Variants in SPAG9 observed in about 807,000 individuals in gnomAD.
SPAG9 encodes sperm associated antigen 9.
SPAG9 carries 35 observed loss-of-function variants against 166.5 expected under a neutral mutation model. The observed-to-expected ratio is 0.21, with a 90% CI of 0.16 to 0.28. The LOEUF (loss-of-function observed/expected upper bound fraction) is 0.28. Ranked by LOEUF, SPAG9 falls within the 10% of genes least tolerant of loss-of-function variation. SPAG9 has a pLI of 1.00. For missense variants in SPAG9, 1,235 were observed against 1,603.3 expected (o/e 0.77, Z 3.92); for synonymous variants, 534 against 565.5 (o/e 0.94, Z 0.79).
intron 29 of SPAG9, among the ~76,000 whole-genome samples, chr17:50,969,497 TC>T (rs1403854835): frequency 6.6e-6 from 1 of 152,120 alleles, no homozygotes; most frequent in East Asian, 1.9e-4. Context: ...GAACCTCCAG[TC>T]CATCCTTCAC....
At chr17:50,999,357 A>G (rs887578847) in intron 14 of SPAG9, 22 of 788,628 alleles carry the variant, frequency 2.8e-5, no homozygotes, top group Non-Finnish European at 4.2e-5. Context: ...GATCCAGGTC[A>G]TTTTCAAGTC....
At chr17:51,029,120 T>C (rs989711444) in intron 6 of SPAG9, among the ~76,000 whole-genome samples, 6 of 152,132 alleles carry the variant, frequency 3.9e-5, no homozygotes, top group Non-Finnish European at 7.4e-5. Context: ...AAAAAGCTAG[T>C]ACAAGATTTG....
intron 21 of SPAG9, among the ~76,000 whole-genome samples, chr17:50,988,212 T>C (rs1975228120): frequency 6.7e-6 from 1 of 149,942 alleles, no homozygotes; most frequent in East Asian, 2.0e-4. Flanking sequence ...TGAGATTCCA[T>C]CTCCAAAAAA....
intron 26 of SPAG9, among the ~76,000 whole-genome samples, chr17:50,979,380 GAAAAAAA>G (rs76167072): frequency 1.3e-5 from 1 of 76,084 alleles, no homozygotes; most frequent in Non-Finnish European, 2.7e-5. Context: ...TTGAAAAAAA[GAAAAAAA>G]AAAAAAAAAA....
intron 3 of SPAG9, among the ~76,000 whole-genome samples, chr17:51,048,375 A>G (rs927575061): frequency 6.6e-6 from 1 of 152,090 alleles, no homozygotes; most frequent in Non-Finnish European, 1.5e-5. Context: ...ATAGTGTGTT[A>G]GTATTTAAAG....
intron 2 of SPAG9, among the ~76,000 whole-genome samples, chr17:51,076,108 A>C (rs1200043868): frequency 6.6e-6 from 1 of 151,904 alleles, no homozygotes; most frequent in Non-Finnish European, 1.5e-5. Flanking sequence ...AAAAAGGAAA[A>C]GAAAAAAGAA....
intron 24 of SPAG9, among the ~76,000 whole-genome samples, chr17:50,983,071 T>C (rs1204267955): frequency 2.0e-5 from 3 of 152,218 alleles, no homozygotes; most frequent in Non-Finnish European, 4.4e-5. Flanking sequence ...TGAGGGCAAC[T>C]CATTGCTAAC....
Position 50,977,091 on chromosome 17 carries a change from T to C in SPAG9, c.3523+17A>G. 4.2e-6 allele frequency: 6 copies of C among 1,437,872 alleles called. No homozygotes were observed. Among genetic ancestry groups the C allele is most frequent in the East Asian group, 2.3e-5 (1 of 43,994 alleles). 89.1% of individuals were successfully genotyped at this position (1,437,872 alleles called of 1,614,324 possible). ...TCTCCTATTTGTTCCATGGCAGTTA[T>C]CTAAAAATATACTTACTTTCTGTCA... is the stretch of plus-strand genomic sequence containing the variant. On this transcript the variant is annotated intron_variant, in intron 27 of 29. Coordinates refer to ENST00000262013, the MANE Select transcript of SPAG9 (RefSeq NM_001130528.3).
chr17:50,999,342 A>T, intron 14 of SPAG9: 2 of 689,324 alleles, frequency 2.9e-6, no homozygotes. Context: ...AACTTATTTA[A>T]TGGGGATCCA....
intron 1 of SPAG9, among the ~76,000 whole-genome samples, chr17:51,089,620 T>TTTTATATA (rs1555658028): frequency 2.5e-5 from 1 of 40,478 alleles, no homozygotes; most frequent in Non-Finnish European, 4.4e-5. Flanking sequence ...ACACTTTATT[T>TTTTATATA]TATATATATA....
intron 2 of SPAG9, among the ~76,000 whole-genome samples, chr17:51,060,538 G>A (rs1319505178): frequency 6.7e-6 from 1 of 148,726 alleles, no homozygotes; most frequent in Non-Finnish European, 1.5e-5. Flanking sequence ...GGCAGAAGAA[G>A]GTAGGTAATT....
chr17:50,977,243 C>T (rs149561840), intron 26 of SPAG9, 22 bp from the exon 27 acceptor site: 42 of 1,432,416 alleles, frequency 2.9e-5, no homozygotes, highest in Middle Eastern at 1.8e-4. Flanking sequence ...GGAGGGAACA[C>T]GTTATTGAGA....
Position 51,007,308 on chromosome 17 carries a change from T to C in SPAG9, c.1232A>G (p.Glu411Gly), listed in dbSNP as rs1007331175. The C allele has an allele frequency of 6.3e-7, 1 of 1,583,464 alleles. No individual in the cohort carries two copies. Among genetic ancestry groups the C allele is most frequent in the Non-Finnish European group, 8.6e-7 (1 of 1,161,192 alleles). The change falls in exon 10 of 30, where the codon GAG becomes GGG. Residue 411 changes from glutamate (E) to glycine (G), a missense_variant. Glu to Gly is a moderately conservative substitution (Grantham distance 98). Transcript: ENST00000262013. ...ADLLGMGREV[E>G]NLILENTQLL... is the part of the protein sequence containing the mutation. ...TTGTGTATTTTCTAATATAAGATTC[T>C]CAACTTCCCGACCCATTCCTATCAA...
At chr17:50,993,230 C>A (rs887901693) in intron 19 of SPAG9, among the ~76,000 whole-genome samples, 2 of 149,004 alleles carry the variant, frequency 1.3e-5, no homozygotes, top group African/African-American at 5.0e-5. Flanking sequence ...GCAGGAGAAT[C>A]ACTTGAACCT....
At chr17:50,968,073 G>A (rs1376184616) in intron 29 of SPAG9, among the ~76,000 whole-genome samples, 1 of 152,188 alleles carries the variant, frequency 6.6e-6, no homozygotes, top group Non-Finnish European at 1.5e-5. Flanking sequence ...CCCCAGCCAA[G>A]TGGAGTCCCT....
intron 28 of SPAG9, among the ~76,000 whole-genome samples, chr17:50,971,194 C>T (rs1042533737): frequency 5.3e-5 from 8 of 151,956 alleles, no homozygotes; most frequent in Non-Finnish European, 8.8e-5. Flanking sequence ...GTAATCCTGG[C>T]TTCTTGGGAG....
rs1008897458 is a variant in SPAG9, at chr17:51,115,606, G to A, written c.303+4748C>T. Among the ~76,000 whole-genome samples the A allele has an allele frequency of 4.6e-5, 7 of 152,078 alleles. No homozygotes were observed. The South Asian group carries it at 6.2e-4, about 14-fold the overall frequency. On this transcript the variant is annotated intron_variant, in intron 1 of 29. Coordinates refer to ENST00000262013, the MANE Select transcript of SPAG9 (RefSeq NM_001130528.3). Reference sequence around the variant, plus strand: ...AGCACTTTAGGAGGCCAAGGCGGGCGGATCACCTGAGGTCAGGAGTTCAAG... The same window carrying A: ...AGCACTTTAGGAGGCCAAGGCGGGCAGATCACCTGAGGTCAGGAGTTCAAG...
chr17:50,967,802 C>T (rs780574861), intron 29 of SPAG9, among the ~76,000 whole-genome samples: 15 of 152,060 alleles, frequency 9.9e-5, no homozygotes, highest in Non-Finnish European at 2.2e-4. Flanking sequence ...AATGGACCCC[C>T]AAAAAAGATC....
chr17:51,113,198 A>G (rs1215637338), intron 1 of SPAG9, among the ~76,000 whole-genome samples: 1 of 150,216 alleles, frequency 6.7e-6, no homozygotes. Flanking sequence ...TACTACAAAT[A>G]CAAAATTAGC....
Sources: gnomAD v4.1 joint callset for allele counts (sites outside exome capture counted in the v4.1 genomes callset) on GRCh38, gnomAD v4.1.1 for gene constraint, MANE v1.5 for transcripts, NCBI Gene and HGNC (gene_info 2026-07-23, HGNC 2026-07-21) for gene names.